The following RBM46 variants were observed in gnomAD, a reference collection of about 807,000 sequenced individuals.
RBM46 encodes RNA binding motif protein 46.
Under a neutral mutation model 43.3 loss-of-function variants are expected in RBM46, and 12 were observed. That is an observed-to-expected ratio of 0.28 (90% confidence interval 0.18 to 0.45). The LOEUF (loss-of-function observed/expected upper bound fraction) is 0.45. RBM46 is among the 20% of genes least tolerant of loss of function. The pLI is 1.00. For missense variants in RBM46, 412 were observed against 639.1 expected (o/e 0.64, Z 3.83); for synonymous variants, 205 against 207.6 (o/e 0.99, Z 0.11).
At position 154,828,011 on chromosome 4, in the gene RBM46, A is replaced by C. The variant is rs1190825414; in HGVS notation, c.1546A>C (p.Asn516His). 1 of 1,613,970 alleles carries C rather than the reference A, an allele frequency of 6.2e-7. No individual in the cohort carries two copies. The highest frequency in any genetic ancestry group is 2.2e-5 in the East Asian group (1 of 44,862). ...TTTGTCACCAACAATATCACTTGCTAATGGCAGCCATGTTGGACAGCGGCT... is the reference window on the plus strand; with the variant it reads ...TTTGTCACCAACAATATCACTTGCTCATGGCAGCCATGTTGGACAGCGGCT... ...YPLSPTISLA[N>H]GSHVGQRLCI... The change falls in exon 5 of 5, where the codon AAT (asparagine) becomes CAT (histidine). Residue 516 changes from asparagine (N) to histidine (H), a missense_variant. Asn to His is a moderately conservative substitution (Grantham distance 68, BLOSUM62 1). Transcript: ENST00000281722.
At chr4:154,783,637 C>T (rs2111076959) in intron 1 of RBM46, among the ~76,000 whole-genome samples, 1 of 152,168 alleles carries the variant, frequency 6.6e-6, no homozygotes, top group East Asian at 1.9e-4. Context: ...ATGTAGATAT[C>T]TTTATCCTGA....
intron 4 of RBM46, among the ~76,000 whole-genome samples, chr4:154,825,628 A>G (rs145897194): frequency 7.9e-5 from 12 of 152,332 alleles, no homozygotes; most frequent in African/African-American, 2.9e-4. Context: ...GAAAATATGC[A>G]GTACAACAAA....
At chr4:154,802,753 GT>G (rs1161871149) in intron 4 of RBM46, among the ~76,000 whole-genome samples, 1 of 152,060 alleles carries the variant, frequency 6.6e-6, no homozygotes, top group African/African-American at 2.4e-5. Context: ...TTTAAGTACT[GT>G]TTTTAAGATA....
chr4:154,815,208 A>G (rs1361107161), intron 4 of RBM46, among the ~76,000 whole-genome samples: 1 of 152,014 alleles, frequency 6.6e-6, no homozygotes, highest in African/African-American at 2.4e-5. Context: ...AGTGTTGTAT[A>G]TAACTTGCTG....
At chr4:154,802,468 C>G (rs530317941) in intron 4 of RBM46, among the ~76,000 whole-genome samples, 1 of 152,162 alleles carries the variant, frequency 6.6e-6, no homozygotes, top group Non-Finnish European at 1.5e-5. Context: ...GTTGGAGCCT[C>G]TGGGTTTTAA....
At chr4:154,825,293 C>T (rs976203042) in intron 4 of RBM46, among the ~76,000 whole-genome samples, 5 of 151,918 alleles carry the variant, frequency 3.3e-5, no homozygotes, top group South Asian at 2.1e-4. Flanking sequence ...TCCTATGATA[C>T]GAAAATTATA....
At chr4:154,790,100 G>A (rs140997976) in intron 1 of RBM46, among the ~76,000 whole-genome samples, 1 of 151,936 alleles carries the variant, frequency 6.6e-6, no homozygotes, top group Non-Finnish European at 1.5e-5. Context: ...TATCAATTTT[G>A]TTGATCTTTT....
chr4:154,783,672 T>C (rs1304320554), intron 1 of RBM46, among the ~76,000 whole-genome samples: 1 of 152,246 alleles, frequency 6.6e-6, no homozygotes, highest in East Asian at 1.9e-4. Context: ...TACACCTTTG[T>C]GTTCAAAGCA....
intron 4 of RBM46, among the ~76,000 whole-genome samples, chr4:154,808,036 ATAT>A (rs1252585859): frequency 1.3e-5 from 2 of 152,038 alleles, no homozygotes; most frequent in African/African-American, 4.8e-5. Context: ...TACACTAATA[ATAT>A]TATCAGCTCT....
chr4:154,784,720 C>T (rs926425198), intron 1 of RBM46, among the ~76,000 whole-genome samples: 1 of 152,182 alleles, frequency 6.6e-6, no homozygotes, highest in African/African-American at 2.4e-5. Context: ...CCTTCTCTTA[C>T]TTGGATTACT....
chr4:154,785,649 G>A (rs1457108691), intron 1 of RBM46, among the ~76,000 whole-genome samples: 2 of 152,138 alleles, frequency 1.3e-5, no homozygotes, highest in East Asian at 3.9e-4. Context: ...AAATACAAAT[G>A]TCACAATTCC....
chr4:154,782,570 G>T (rs890303773), intron 1 of RBM46, among the ~76,000 whole-genome samples: 1 of 152,042 alleles, frequency 6.6e-6, no homozygotes, highest in Non-Finnish European at 1.5e-5. Context: ...TGCAACTTCC[G>T]CCTACCGGGT....
intron 4 of RBM46, among the ~76,000 whole-genome samples, chr4:154,804,356 T>C (rs368329333): frequency 1.1e-4 from 16 of 152,206 alleles, no homozygotes; most frequent in African/African-American, 3.9e-4. Context: ...AATCTCGTTA[T>C]CTGTTTAGTA....
intron 4 of RBM46, chr4:154,820,348 C>T (rs1735666553): frequency 6.7e-7 from 1 of 1,502,788 alleles, no homozygotes; most frequent in South Asian, 1.3e-5. Flanking sequence ...TATTTTCTGT[C>T]TTCACTGCTT....
In RBM46 at chr4:154,789,331, A is replaced by G. The variant is rs1389730095; in HGVS notation, c.-11-7411A>G. 3.9e-5 allele frequency among the ~76,000 whole-genome samples: 6 copies of G among 152,136 alleles called. No homozygotes were observed. The South Asian group carries it at 8.3e-4, about 21-fold the overall frequency. ...GTGGGTTTGTCATAAATAGCTCATT[A>G]TTTTGAGATACGTCCCATCAATACC... On this transcript the variant is annotated intron_variant, in intron 1 of 4. Coordinates refer to ENST00000281722, the MANE Select transcript of RBM46 (RefSeq NM_144979.5).
intron 4 of RBM46, among the ~76,000 whole-genome samples, chr4:154,806,885 T>C (rs1734933134): frequency 6.6e-6 from 1 of 151,688 alleles, no homozygotes; most frequent in Non-Finnish European, 1.5e-5. Flanking sequence ...ATGTGGGGAG[T>C]ATCTGTCCCA....
intron 4 of RBM46, among the ~76,000 whole-genome samples, chr4:154,818,166 A>G (rs2111201015): frequency 6.6e-6 from 1 of 152,254 alleles, no homozygotes; most frequent in East Asian, 1.9e-4. Context: ...ATTGATTTAC[A>G]CATTTATCAT....
chr4:154,796,339 T>C (rs1734350080), intron 1 of RBM46, among the ~76,000 whole-genome samples: 1 of 152,180 alleles, frequency 6.6e-6, no homozygotes, highest in Non-Finnish European at 1.5e-5. Context: ...GAAAATCCAG[T>C]TGGCTTAGAT....
At chr4:154,797,016 G>T in intron 2 of RBM46, 113 bp downstream of exon 2, 1 of 781,906 alleles carries the variant, frequency 1.3e-6, no homozygotes, top group Non-Finnish European at 1.8e-6. Context: ...ACTGCTTTAA[G>T]ACATTTTTTT....
Sources: gnomAD v4.1 joint callset for allele counts (sites outside exome capture counted in the v4.1 genomes callset) on GRCh38, gnomAD v4.1.1 for gene constraint, MANE v1.5 for transcripts, NCBI Gene and HGNC (gene_info 2026-07-23, HGNC 2026-07-21) for gene names.